Variants in B3GNT9 observed in about 807,000 individuals in gnomAD.
B3GNT9 encodes UDP-GlcNAc:betaGal beta-1,3-N-acetylglucosaminyltransferase 9.
For missense variants in B3GNT9, 669 were observed against 599.2 expected (o/e 1.12, Z -1.22); for synonymous variants, 359 against 283.9 (o/e 1.26, Z -2.66).
chr16:67,149,952 C>G lies in B3GNT9; in HGVS notation c.534G>C (p.Trp178Cys). 1 of 1,568,272 alleles carries G rather than the reference C, an allele frequency of 6.4e-7. No individual in the cohort carries two copies. The change falls in exon 2 of 2, where the codon TGG becomes TGC. Residue 178 changes from tryptophan (W) to cysteine (C), a missense_variant. Transcript: ENST00000449549. ...DEVGEGARTH[W>C]RALLRAESLA... ...GGCTCTCGGCCCGCAGCAGGGCGCG[C>G]CAGTGGGTTCGCGCGCCCTCCCCAA...
chr16:67,149,703 C>G lies in B3GNT9; in HGVS notation c.783G>C (p.Ala261=), dbSNP rs764858789. 1 of 1,612,976 alleles carries G rather than the reference C, an allele frequency of 6.2e-7. No individual in the cohort carries two copies. The highest frequency in any genetic ancestry group is 1.1e-5 in the South Asian group (1 of 91,060). The change falls in exon 2 of 2, where the codon GCG becomes GCC. Residue 261 remains alanine, a synonymous_variant. Coordinates refer to ENST00000449549, the MANE Select transcript of B3GNT9 (RefSeq NM_033309.3). The part of the protein sequence containing the change: ...DLLAGDVIVH[A]RPIRTRASKY... ...TGCTAGCCCGCGTGCGGATGGGCCGCGCATGCACAATTACGTCACCAGCAA... is the reference window on the plus strand; with the variant it reads ...TGCTAGCCCGCGTGCGGATGGGCCGGGCATGCACAATTACGTCACCAGCAA...
Position 67,149,795 on chromosome 16 carries a change from C to A in B3GNT9, c.691G>T (p.Asp231Tyr). The change falls in exon 2 of 2, where the codon GAT (aspartate) becomes TAT (tyrosine). Residue 231 changes from aspartate (D) to tyrosine (Y), a missense_variant. Transcript: ENST00000449549. The stretch of plus-strand genomic sequence containing the variant: ...AGATTTCCCACGTTCACGAACACAT[C>A]TGCGTCGCCCTTAAAAACGAAGCGC... ...DVRFVFKGDA[D>Y]VFVNVGNLLE... 6.2e-7 allele frequency: 1 copy of A among 1,613,916 alleles called. No individual in the cohort carries two copies. The highest frequency in any genetic ancestry group is 8.5e-7 in the Non-Finnish European group (1 of 1,179,822).
Position 67,149,362 on chromosome 16 carries a change from A to G in B3GNT9, c.1124T>C (p.Met375Thr). The change falls in exon 2 of 2, where the codon ATG becomes ACG. Residue 375 changes from methionine to threonine, a missense_variant. By Grantham distance (81) the Met-to-Thr change is moderately conservative. Transcript: ENST00000449549. ...HGLSAADIWLMWRLLHGPHGP... is the reference protein window; with the variant it reads ...HGLSAADIWLTWRLLHGPHGP... Reference sequence around the variant, plus strand: ...ATGCGGCCCGTGCAGCAGGCGCCACATAAGCCAGATGTCAGCGGCCGAGAG... The same window carrying G: ...ATGCGGCCCGTGCAGCAGGCGCCACGTAAGCCAGATGTCAGCGGCCGAGAG... 3 of 1,603,390 alleles carry G rather than the reference A, an allele frequency of 1.9e-6. No homozygotes were observed. The highest frequency in any genetic ancestry group is 2.6e-6 in the Non-Finnish European group (3 of 1,175,266).
In B3GNT9 at chr16:67,150,559, C is replaced by G; in HGVS notation, c.-74G>C. On this transcript the variant is annotated 5_prime_UTR_variant, in exon 2 of 2. Coordinates refer to ENST00000449549, the MANE Select transcript of B3GNT9 (RefSeq NM_033309.3). ...GCAGGGGGCAGCGAGCCCCGCCCTC[C>G]CCAGCTGAGGGGGCGGGAGGCCACG... The G allele has an allele frequency of 8.3e-7, 1 of 1,205,992 alleles. No individual in the cohort carries two copies. The highest frequency in any genetic ancestry group is 1.6e-5 in the African/African-American group (1 of 63,654). 74.7% of individuals were successfully genotyped at this position (1,205,992 alleles called of 1,614,324 possible).
chr16:67,150,829 C>T (rs563569714), intron 1 of B3GNT9, 36 bp downstream of exon 1: 9 of 216,980 alleles, frequency 4.1e-5, no homozygotes, highest in Non-Finnish European at 7.2e-5. Context: ...ACCCTGCCAT[C>T]CCCTCAATGT....
chr16:67,150,381 C>A lies in B3GNT9; in HGVS notation c.105G>T (p.Thr35=). 1 of 1,347,070 alleles carries A rather than the reference C, an allele frequency of 7.4e-7. No homozygotes were observed. Among genetic ancestry groups the A allele is most frequent in the Non-Finnish European group, 9.5e-7 (1 of 1,050,498 alleles). 83.4% of individuals were successfully genotyped at this position (1,347,070 alleles called of 1,614,324 possible). A position where few individuals can be genotyped will look rare whatever the true frequency, so the allele number is the denominator to read the frequency against. The change falls in exon 2 of 2, where the codon ACG becomes ACT. Residue 35 remains threonine, a synonymous_variant. Coordinates refer to ENST00000449549, the MANE Select transcript of B3GNT9 (RefSeq NM_033309.3). ...LYAQRDGAAP[T]ASAPRGRGRA... ...TCCCTCGCCCTCGCGGCGCGCTCGCCGTCGGGGCCGCGCCGTCGCGCTGCG... is the reference window on the plus strand; with the variant it reads ...TCCCTCGCCCTCGCGGCGCGCTCGCAGTCGGGGCCGCGCCGTCGCGCTGCG...
In B3GNT9 at chr16:67,149,094, AT is replaced by A; in HGVS notation, c.*182del. 7.7e-7 allele frequency: 1 copy of A among 1,304,944 alleles called. No homozygotes were observed. The highest frequency in any genetic ancestry group is 1.0e-6 in the Non-Finnish European group (1 of 997,650). The allele number at this position is 1,304,944 out of a possible 1,614,324, so 80.8% of individuals were successfully genotyped here. ...GCCTTGGCTCGCTCAAAGGGTCACC[AT>A]TACACGGGTTTCAACTGGTTCCAGC... On this transcript the variant is annotated 3_prime_UTR_variant, in exon 2 of 2. Transcript: ENST00000449549.
In B3GNT9 at chr16:67,150,353, C is replaced by CCCT. The variant is rs1405354834; in HGVS notation, c.130_132dup (p.Arg44dup). The CCCT allele has an allele frequency of 7.4e-7, 1 of 1,351,364 alleles. No individual in the cohort carries two copies. Among genetic ancestry groups the CCCT allele is most frequent in the Non-Finnish European group, 9.5e-7 (1 of 1,052,202 alleles). The allele number at this position is 1,351,364 out of a possible 1,614,324, so 83.7% of individuals were successfully genotyped here. A position where few individuals can be genotyped will look rare whatever the true frequency, so the allele number is the denominator to read the frequency against. ...GGTCCGGGGGTGGGCCTCGGTGCCGCCCTCCCTCGCCCTCGCGGCGCGCTC... is the reference window on the plus strand; with the variant it reads ...GGTCCGGGGGTGGGCCTCGGTGCCGCCCTCCTCCCTCGCCCTCGCGGCGCGCTC... On this transcript the variant is annotated inframe_insertion, in exon 2 of 2. Coordinates refer to ENST00000449549, the MANE Select transcript of B3GNT9 (RefSeq NM_033309.3).
In B3GNT9 at chr16:67,149,695, A is replaced by C; in HGVS notation, c.791T>G (p.Ile264Ser). ...AGDVIVHARP[I>S]RTRASKYYIP... is the part of the protein sequence containing the mutation. ...GTAGTACTTGCTAGCCCGCGTGCGG[A>C]TGGGCCGCGCATGCACAATTACGTC... Residue 264 changes from isoleucine (I) to serine (S), a missense_variant, in exon 2 of 2, where the codon ATC becomes AGC. Transcript: ENST00000449549. 6.2e-7 allele frequency: 1 copy of C among 1,612,484 alleles called. No individual in the cohort carries two copies. Among genetic ancestry groups the C allele is most frequent in the Non-Finnish European group, 8.5e-7 (1 of 1,179,392 alleles).
rs1406024911 is a variant in B3GNT9, at chr16:67,149,176, C to A, written c.*101G>T. The A allele has an allele frequency of 6.9e-7, 1 of 1,444,920 alleles. No homozygotes were observed. The highest frequency in any genetic ancestry group is 9.1e-7 in the Non-Finnish European group (1 of 1,099,772). 89.5% of individuals were successfully genotyped at this position (1,444,920 alleles called of 1,614,324 possible). ...CCCATCCCCTGGGATCCTGTGGAGACAGGCACCTGGTGATCAGGGAAGAAC... is the reference window on the plus strand; with the variant it reads ...CCCATCCCCTGGGATCCTGTGGAGAAAGGCACCTGGTGATCAGGGAAGAAC... On this transcript the variant is annotated 3_prime_UTR_variant, in exon 2 of 2. Transcript: ENST00000449549.
In B3GNT9 at chr16:67,149,069, G is replaced by T; in HGVS notation, c.*208C>A. The stretch of plus-strand genomic sequence containing the variant: ...ACAAGAGATGGTCATCTACCACCCA[G>T]CCTTGGCTCGCTCAAAGGGTCACCA... On this transcript the variant is annotated 3_prime_UTR_variant, in exon 2 of 2. Transcript: ENST00000449549. 1 of 1,085,722 alleles carries T rather than the reference G, an allele frequency of 9.2e-7. No individual in the cohort carries two copies. The highest frequency in any genetic ancestry group is 1.2e-6 in the Non-Finnish European group (1 of 816,440). The allele number at this position is 1,085,722 out of a possible 1,614,324, so 67.3% of individuals were successfully genotyped here. A position where few individuals can be genotyped will look rare whatever the true frequency, so the allele number is the denominator to read the frequency against.
Position 67,149,379 on chromosome 16 carries a change from G to A in B3GNT9, c.1107C>T (p.Ala369=), listed in dbSNP as rs770244868. Reference sequence around the variant, plus strand: ...GGCGCCACATAAGCCAGATGTCAGCGGCCGAGAGCCCGTGCACTACAACCA... The same window carrying A: ...GGCGCCACATAAGCCAGATGTCAGCAGCCGAGAGCCCGTGCACTACAACCA... ...RELVVVHGLS[A]ADIWLMWRLL... The change falls in exon 2 of 2, where the codon GCC becomes GCT. Residue 369 remains alanine, a synonymous_variant. Coordinates refer to ENST00000449549, the MANE Select transcript of B3GNT9 (RefSeq NM_033309.3). The A allele has an allele frequency of 6.2e-7, 1 of 1,602,576 alleles. No homozygotes were observed. The highest frequency in any genetic ancestry group is 1.1e-5 in the South Asian group (1 of 89,356).
rs1482096894 is a variant in B3GNT9, at chr16:67,149,663, C to T, written c.823G>A (p.Glu275Lys). ...TAGGCGGGCAGGCCGTACACGGCCT[C>T]GGGGATGTAGTACTTGCTAGCCCGC... The part of the protein sequence containing the change: ...RTRASKYYIP[E>K]AVYGLPAYPA... Residue 275 changes from glutamate (E) to lysine (K), a missense_variant, in exon 2 of 2, where the codon GAG becomes AAG. By Grantham distance (56) the Glu-to-Lys change is moderately conservative. Coordinates refer to ENST00000449549, the MANE Select transcript of B3GNT9 (RefSeq NM_033309.3). 2 of 1,606,028 alleles carry T rather than the reference C, an allele frequency of 1.2e-6. No individual in the cohort carries two copies. Among genetic ancestry groups the T allele is most frequent in the South Asian group, 1.1e-5 (1 of 90,416 alleles).
Position 67,149,167 on chromosome 16 carries a change from C to T in B3GNT9, c.*110G>A. On this transcript the variant is annotated 3_prime_UTR_variant, in exon 2 of 2. Coordinates refer to ENST00000449549, the MANE Select transcript of B3GNT9 (RefSeq NM_033309.3). ...AGCTTAACCCCCATCCCCTGGGATCCTGTGGAGACAGGCACCTGGTGATCA... is the reference window on the plus strand; with the variant it reads ...AGCTTAACCCCCATCCCCTGGGATCTTGTGGAGACAGGCACCTGGTGATCA... 6.9e-7 allele frequency: 1 copy of T among 1,439,488 alleles called. No homozygotes were observed. The highest frequency in any genetic ancestry group is 9.1e-7 in the Non-Finnish European group (1 of 1,096,688). The allele number at this position is 1,439,488 out of a possible 1,614,324, so 89.2% of individuals were successfully genotyped here.
At position 67,149,565 on chromosome 16, in the gene B3GNT9, C is replaced by T. The variant is rs774116103; in HGVS notation, c.921G>A (p.Ala307=). The change falls in exon 2 of 2, where the codon GCG becomes GCA. Residue 307 remains alanine, a synonymous_variant. Coordinates refer to ENST00000449549, the MANE Select transcript of B3GNT9 (RefSeq NM_033309.3). ...ATLHRLAGAC[A]QVELFPIDDV... is the part of the protein sequence containing the mutation. ...CGTCGATGGGGAAGAGCTCGACCTG[C>T]GCACAGGCGCCAGCCAGGCGGTGCA... 1.9e-6 allele frequency: 3 copies of T among 1,606,180 alleles called. No individual in the cohort carries two copies. The highest frequency in any genetic ancestry group is 1.1e-5 in the South Asian group (1 of 90,016).
rs1403512324 is a variant in B3GNT9 at position 67,149,304 on chromosome 16, A to G, written c.1182T>C (p.Ala394=). The change falls in exon 2 of 2, where the codon GCT becomes GCC. Residue 394 remains alanine (A), a synonymous_variant. Transcript: ENST00000449549. ...AGGAGTCCCATTGGAAGGGGCCTGC[A>G]GCGACAGGCTGTGGATGCGCACAGG... The part of the protein sequence containing the change: ...GPACAHPQPV[A]AGPFQWDS 5.8e-6 allele frequency: 9 copies of G among 1,561,918 alleles called. No homozygotes were observed. The highest frequency in any genetic ancestry group is 7.8e-6 in the Non-Finnish European group (9 of 1,152,784).
In B3GNT9 at chr16:67,149,603, A is replaced by T; in HGVS notation, c.883T>A (p.Ser295Thr). 1 of 1,598,602 alleles carries T rather than the reference A, an allele frequency of 6.3e-7. No homozygotes were observed. Among genetic ancestry groups the T allele is most frequent in the East Asian group, 2.3e-5 (1 of 43,928 alleles). ...GCCAGGCGGTGCAGCGTGGCCCCGG[A>T]AAGCACAAAGCCACCGCCGCCCGCG... ...AYAGGGGFVL[S>T]GATLHRLAGA... Residue 295 changes from serine to threonine, a missense_variant, in exon 2 of 2, where the codon TCC (serine) becomes ACC (threonine). Ser to Thr is a moderately conservative substitution (Grantham distance 58, BLOSUM62 1). Coordinates refer to ENST00000449549, the MANE Select transcript of B3GNT9 (RefSeq NM_033309.3).
In B3GNT9 at chr16:67,149,699, G is replaced by C; in HGVS notation, c.787C>G (p.Pro263Ala). The part of the protein sequence containing the change: ...LAGDVIVHAR[P>A]IRTRASKYYI... ...TACTTGCTAGCCCGCGTGCGGATGG[G>C]CCGCGCATGCACAATTACGTCACCA... Residue 263 changes from proline (P) to alanine (A), a missense_variant, in exon 2 of 2, where the codon CCC becomes GCC. Transcript: ENST00000449549. The C allele has an allele frequency of 6.2e-7, 1 of 1,612,732 alleles. No individual in the cohort carries two copies. Among genetic ancestry groups the C allele is most frequent in the Non-Finnish European group, 8.5e-7 (1 of 1,179,558 alleles).
chr16:67,150,322 G>A lies in B3GNT9; in HGVS notation c.164C>T (p.Ala55Val), dbSNP rs2030425189. 3 of 1,407,712 alleles carry A rather than the reference G, an allele frequency of 2.1e-6. No individual in the cohort carries two copies. Among genetic ancestry groups the A allele is most frequent in the South Asian group, 3.4e-5 (2 of 58,722 alleles). 87.2% of individuals were successfully genotyped at this position (1,407,712 alleles called of 1,614,324 possible). ...AAPRPTPGPRAFQLPDAGAAP... is the reference protein window; with the variant it reads ...AAPRPTPGPRVFQLPDAGAAP... ...TGCACCCGCGTCGGGTAACTGGAACGCGCGGGGTCCGGGGGTGGGCCTCGG... is the reference window on the plus strand; with the variant it reads ...TGCACCCGCGTCGGGTAACTGGAACACGCGGGGTCCGGGGGTGGGCCTCGG... Residue 55 changes from alanine to valine, a missense_variant, in exon 2 of 2, where the codon GCG (alanine) becomes GTG (valine). Coordinates refer to ENST00000449549, the MANE Select transcript of B3GNT9 (RefSeq NM_033309.3).
Sources: gnomAD v4.1 joint callset for allele counts on GRCh38, gnomAD v4.1.1 for gene constraint, MANE v1.5 for transcripts, NCBI Gene and HGNC (gene_info 2026-07-23, HGNC 2026-07-21) for gene names.